The following SHANK2 variants were observed in gnomAD, a reference collection of about 807,000 sequenced individuals.
The protein encoded by SHANK2 is SH3 and multiple ankyrin repeat domains protein 2.
In SHANK2, 43 loss-of-function variants were observed where a neutral mutation model predicts 133.7. The observed-to-expected ratio is 0.32, with a 90% CI of 0.25 to 0.41. The LOEUF (loss-of-function observed/expected upper bound fraction) is 0.41, where lower values mean the gene tolerates loss of function less well. Ranked by LOEUF, SHANK2 falls within the 10% of genes least tolerant of loss-of-function variation. The pLI is 1.00. For synonymous variants in SHANK2, 1,017 were observed against 952.8 expected, an observed-to-expected ratio of 1.07 and a Z score of -1.24; for missense variants, 1,994 against 2,235.8, an observed-to-expected ratio of 0.89 and a Z score of 2.18.
intron 17 of SHANK2, among the ~76,000 whole-genome samples, chr11:70,618,883 C>A (rs2060792163): frequency 1.3e-5 from 2 of 152,204 alleles, no homozygotes. Flanking sequence ...AATCCAGCAA[C>A]CCTGAGAGGC....
At chr11:71,232,664 T>C (rs1954763390) in intron 1 of SHANK2, among the ~76,000 whole-genome samples, 1 of 152,234 alleles carries the variant, frequency 6.6e-6, no homozygotes, top group African/African-American at 2.4e-5. Context: ...CTCTTCTTTA[T>C]GATTCTCTTA....
At chr11:70,476,762 A>G (rs1461597157) in intron 25 of SHANK2, among the ~76,000 whole-genome samples, 1 of 152,188 alleles carries the variant, frequency 6.6e-6, no homozygotes, top group East Asian at 1.9e-4. Context: ...CTTTTGCTAA[A>G]GCTGACTACA....
At chr11:70,872,579 T>C (rs1332266679) in intron 11 of SHANK2, among the ~76,000 whole-genome samples, 7 of 151,756 alleles carry the variant, frequency 4.6e-5, no homozygotes, top group African/African-American at 1.5e-4. Flanking sequence ...ATGGAGGGAA[T>C]AGGGGGCCCC....
At chr11:70,770,229 C>G (rs1188745169) in intron 14 of SHANK2, among the ~76,000 whole-genome samples, 1 of 152,218 alleles carries the variant, frequency 6.6e-6, no homozygotes, top group Admixed American at 6.5e-5. Flanking sequence ...GGCTGTGTCT[C>G]CTGCTCTTTG....
At chr11:70,601,965 C>T (rs1554991154) in intron 17 of SHANK2, among the ~76,000 whole-genome samples, 4 of 152,178 alleles carry the variant, frequency 2.6e-5, no homozygotes, top group Non-Finnish European at 5.9e-5. Flanking sequence ...TTTAACCCTG[C>T]CCAAATCTCA....
chr11:70,715,473 G>A (rs782020687), intron 14 of SHANK2, among the ~76,000 whole-genome samples: 8 of 152,176 alleles, frequency 5.3e-5, no homozygotes, highest in Non-Finnish European at 8.8e-5. Flanking sequence ...TGGGGACACC[G>A]TAGGAGGGGA....
chr11:71,164,634 C>T (rs1199055587), intron 2 of SHANK2, among the ~76,000 whole-genome samples: 1 of 152,212 alleles, frequency 6.6e-6, no homozygotes, highest in Non-Finnish European at 1.5e-5. Context: ...GCTCTGAGAC[C>T]TCTATGGAGC....
chr11:71,235,870 CAT>C (rs1491511503), intron 1 of SHANK2, among the ~76,000 whole-genome samples: 2 of 152,204 alleles, frequency 1.3e-5, no homozygotes, highest in Non-Finnish European at 2.9e-5. Flanking sequence ...CACTCTCTCA[CAT>C]GTGTGTGTAC....
intron 17 of SHANK2, among the ~76,000 whole-genome samples, chr11:70,567,797 G>A (rs1221626368): frequency 1.3e-5 from 2 of 152,272 alleles, no homozygotes; most frequent in East Asian, 1.9e-4. Flanking sequence ...GAGAGTCAAC[G>A]TCTACTGTCC....
Position 70,820,699 on chromosome 11 carries a change from GGA to G in SHANK2, c.1175-19_1175-18del. Reference sequence around the variant, plus strand: ...GGAAGGGCACTGGGGAGAAGGACATGGAGAGAGGCCGGTGAGTGCATCTGTGT... The same window carrying G: ...GGAAGGGCACTGGGGAGAAGGACATGGAGAGGCCGGTGAGTGCATCTGTGT... On this transcript the variant is annotated intron_variant, in intron 11 of 25. Transcript: ENST00000601538. 1.5e-6 allele frequency: 1 copy of G among 653,642 alleles called. No individual in the cohort carries two copies. The highest frequency in any genetic ancestry group is 2.8e-6 in the Non-Finnish European group (1 of 355,564). The allele number at this position is 653,642 out of a possible 1,614,324, so 40.5% of individuals were successfully genotyped here.
At chr11:70,818,102 A>G (rs1948438116) in intron 12 of SHANK2, among the ~76,000 whole-genome samples, 1 of 152,152 alleles carries the variant, frequency 6.6e-6, no homozygotes, top group Non-Finnish European at 1.5e-5. Flanking sequence ...GCAGCTATAC[A>G]ATGGTACAGT....
intron 10 of SHANK2, among the ~76,000 whole-genome samples, chr11:70,912,950 C>T (rs781896639): frequency 2.6e-5 from 4 of 151,984 alleles, no homozygotes; most frequent in South Asian, 2.1e-4. Flanking sequence ...AAAGATCTCC[C>T]GGGAAAACTG....
chr11:70,768,085 T>A (rs566816655), intron 14 of SHANK2, among the ~76,000 whole-genome samples: 54 of 152,272 alleles, frequency 3.5e-4, no homozygotes, highest in African/African-American at 1.3e-3. Flanking sequence ...AGGATGTTGC[T>A]GAATTTCTTG....
chr11:71,130,903 C>T (rs1193509389), intron 3 of SHANK2, among the ~76,000 whole-genome samples: 4 of 152,222 alleles, frequency 2.6e-5, no homozygotes, highest in African/African-American at 9.7e-5. Flanking sequence ...CTTAGGAAAG[C>T]CGGAAAAAAC....
At chr11:70,701,094 C>G (rs1209045719) in intron 14 of SHANK2, among the ~76,000 whole-genome samples, 1 of 152,158 alleles carries the variant, frequency 6.6e-6, no homozygotes, top group Middle Eastern at 3.2e-3. Context: ...GGTGCAGGAT[C>G]CTGGCTGAAA....
At chr11:70,548,618 G>C (rs181769297) in intron 17 of SHANK2, among the ~76,000 whole-genome samples, 22 of 152,334 alleles carry the variant, frequency 1.4e-4, no homozygotes, top group African/African-American at 5.3e-4. Flanking sequence ...TGTGGTCTAT[G>C]GGAGAGGCTG....
chr11:71,159,971 G>GAAAAA (rs34199845), intron 2 of SHANK2, among the ~76,000 whole-genome samples: 2 of 114,084 alleles, frequency 1.8e-5, no homozygotes, highest in African/African-American at 3.2e-5. Flanking sequence ...TGGGTGGCAG[G>GAAAAA]AAAAAAAAAA....
At chr11:71,098,177 GCATGCCTGTGTGTATGTGTA>G (rs1951658452) in intron 6 of SHANK2, among the ~76,000 whole-genome samples, 1 of 151,592 alleles carries the variant, frequency 6.6e-6, no homozygotes, top group South Asian at 2.1e-4. Context: ...ATGCCTGTGT[GCATGCCTGTGTGTATGTGTA>G]CATGCCTGTG....
chr11:70,584,996 C>A (rs1037413545), intron 17 of SHANK2, among the ~76,000 whole-genome samples: 3 of 152,228 alleles, frequency 2.0e-5, no homozygotes, highest in Non-Finnish European at 4.4e-5. Flanking sequence ...GGCCTAAGGG[C>A]TGGAGGACAA....
Sources: gnomAD v4.1 joint callset for allele counts (sites outside exome capture counted in the v4.1 genomes callset) on GRCh38, gnomAD v4.1.1 for gene constraint, MANE v1.5 for transcripts, NCBI Gene and HGNC (gene_info 2026-07-23, HGNC 2026-07-21) for gene names.